The following CACNA1H variants were observed in gnomAD, a reference collection of about 807,000 sequenced individuals.
CACNA1H encodes the protein calcium voltage-gated channel subunit alpha1 H, also known as voltage-dependent T-type calcium channel subunit alpha-1H.
CACNA1H carries 149 observed loss-of-function variants against 192.5 expected under a neutral mutation model. The observed-to-expected ratio is 0.77, with a 90% CI of 0.68 to 0.89. The LOEUF (loss-of-function observed/expected upper bound fraction) is 0.89. Ranked by LOEUF, CACNA1H falls within the 40% of genes least tolerant of loss-of-function variation. The probability of loss-of-function intolerance (pLI) is 0.00; values close to 1 mark genes in which losing one functional copy is unlikely to be tolerated. For missense variants in CACNA1H, 4,257 were observed against 3,423.5 expected (o/e 1.24, Z -6.08); for synonymous variants, 2,202 against 1,475.2 (o/e 1.49, Z -11.29).
intron 2 of CACNA1H, among the ~76,000 whole-genome samples, chr16:1,175,567 G>A (rs539369430): frequency 9.9e-5 from 15 of 152,284 alleles, no homozygotes; most frequent in East Asian, 1.9e-4. Flanking sequence ...GCCGTGTCCC[G>A]AGCTTGTCCT....
chr16:1,187,590 C>T (rs532781793), intron 2 of CACNA1H, among the ~76,000 whole-genome samples: 1 of 152,360 alleles, frequency 6.6e-6, no homozygotes, highest in African/African-American at 2.4e-5. Flanking sequence ...ACGGCCCAGC[C>T]TCCCGATCCT....
intron 12 of CACNA1H, 180 bp from the exon 13 acceptor site, chr16:1,206,821 A>G: frequency 6.8e-6 from 4 of 591,204 alleles, no homozygotes; most frequent in Non-Finnish European, 6.1e-6. Flanking sequence ...GTTGTAGGGC[A>G]GGAAGTCCCT....
intron 11 of CACNA1H, among the ~76,000 whole-genome samples, chr16:1,205,886 C>G (rs1048914798): frequency 6.6e-6 from 1 of 152,218 alleles, no homozygotes; most frequent in East Asian, 1.9e-4. Flanking sequence ...CCAGGGGGCA[C>G]TGGGGGCCGG....
At chr16:1,206,334 G>T (rs753263348) in intron 12 of CACNA1H, 45 bp downstream of exon 12, 2 of 1,526,162 alleles carry the variant, frequency 1.3e-6, no homozygotes, top group African/African-American at 2.8e-5. Flanking sequence ...CTCACCCCAG[G>T]GCAGCTGGGA....
intron 2 of CACNA1H, among the ~76,000 whole-genome samples, chr16:1,189,422 T>C (rs1048204655): frequency 3.3e-5 from 4 of 120,060 alleles, no homozygotes; most frequent in African/African-American, 1.3e-4. Flanking sequence ...TTTTTTTTTT[T>C]TTTTTTTTTT....
At chr16:1,194,723 C>T (rs1413859202) in intron 2 of CACNA1H, among the ~76,000 whole-genome samples, 1 of 152,054 alleles carries the variant, frequency 6.6e-6, no homozygotes, top group Admixed American at 6.5e-5. Flanking sequence ...GATGAGCCAA[C>T]GCCGAGGGCC....
Position 1,218,652 on chromosome 16 carries a change from G to A in CACNA1H, c.5887+1G>A, listed in dbSNP as rs1198881040. On this transcript the variant is annotated splice_donor_variant, in intron 33 of 34. Coordinates refer to ENST00000348261, the MANE Select transcript of CACNA1H (RefSeq NM_021098.3). LOFTEE classifies it high-confidence loss of function. ...ACCTATGGGGCCGGCACCCCCTTGG[G>A]TATGGTAGCCAGCAGGAAGATATGG... The A allele has an allele frequency of 6.6e-7, 1 of 1,504,730 alleles. No homozygotes were observed. The highest frequency in any genetic ancestry group is 8.9e-7 in the Non-Finnish European group (1 of 1,120,942). The allele number at this position is 1,504,730 out of a possible 1,614,324, so 93.2% of individuals were successfully genotyped here. A position where few individuals can be genotyped will look rare whatever the true frequency, so the allele number is the denominator to read the frequency against.
chr16:1,165,674 G>T (rs914412709), intron 2 of CACNA1H, among the ~76,000 whole-genome samples: 4 of 152,198 alleles, frequency 2.6e-5, no homozygotes, highest in African/African-American at 4.8e-5. Context: ...GTGGCTGCAC[G>T]CTGGGGTCAC....
chr16:1,159,312 C>T (rs1258496445), intron 2 of CACNA1H, among the ~76,000 whole-genome samples: 2 of 151,656 alleles, frequency 1.3e-5, no homozygotes, highest in African/African-American at 2.4e-5. Flanking sequence ...GGCACAGGAG[C>T]CTGTGCGGGA....
At chr16:1,187,313 AG>A (rs907778525) in intron 2 of CACNA1H, among the ~76,000 whole-genome samples, 1 of 152,186 alleles carries the variant, frequency 6.6e-6, no homozygotes, top group African/African-American at 2.4e-5. Context: ...TTGCCCAGCC[AG>A]GGGTGGGTAC....
At position 1,215,385 on chromosome 16, in the gene CACNA1H, C is replaced by A. The variant is rs72554026; in HGVS notation, c.5173+10C>A. ...CTTCGCATTGCCCGTGGTAGGTGCC[C>A]GCGTGCCCGCCAGGTTCTCTCTGCG... On this transcript the variant is annotated intron_variant, in intron 29 of 34. Transcript: ENST00000348261. The A allele has an allele frequency of 6.5e-7, 1 of 1,531,352 alleles. No individual in the cohort carries two copies. 94.9% of individuals were successfully genotyped at this position (1,531,352 alleles called of 1,614,324 possible).
At chr16:1,153,624 C>A in intron 1 of CACNA1H, 96 bp from the exon 2 acceptor site, 1 of 741,854 alleles carries the variant, frequency 1.3e-6, no homozygotes, top group Non-Finnish European at 1.8e-6. Context: ...AAGACAAAGA[C>A]ATCCCGGCGG....
intron 2 of CACNA1H, among the ~76,000 whole-genome samples, chr16:1,165,618 C>T (rs1343100498): frequency 1.3e-5 from 2 of 152,154 alleles, no homozygotes. Context: ...GGCACCCTCC[C>T]TTTTCCCCGC....
At chr16:1,214,451 G>A (rs972324104) in intron 27 of CACNA1H, among the ~76,000 whole-genome samples, 43 of 152,224 alleles carry the variant, frequency 2.8e-4, no homozygotes, top group Non-Finnish European at 4.4e-5. Context: ...GCCTGGGCTG[G>A]GAGGGGCAGG....
chr16:1,193,369 C>A (rs998513993), intron 2 of CACNA1H, among the ~76,000 whole-genome samples: 1 of 152,256 alleles, frequency 6.6e-6, no homozygotes, highest in Non-Finnish European at 1.5e-5. Context: ...GCCAAGGGGC[C>A]TGGCACGGCT....
Position 1,210,620 on chromosome 16 carries a change from C to A in CACNA1H, c.4007C>A (p.Thr1336Lys), listed in dbSNP as rs370725735. 6.3e-5 allele frequency: 101 copies of A among 1,606,684 alleles called. No homozygotes were observed. The highest frequency in any genetic ancestry group is 8.4e-5 in the Non-Finnish European group (99 of 1,179,812). The change falls in exon 20 of 35, where the codon ACG becomes AAG. Residue 1336 changes from threonine to lysine, a missense_variant. By Grantham distance (78) the Thr-to-Lys change is moderately conservative (BLOSUM62 -1). Transcript: ENST00000348261. The stretch of plus-strand genomic sequence containing the variant: ...CTCAGCGTCTCCAATTACATCTTCA[C>A]GGCCATCTTCGTGGCGGAGATGATG... The part of the protein sequence containing the change: ...VFLSVSNYIF[T>K]AIFVAEMMVK...
At chr16:1,203,329 G>A (rs746266195) in intron 9 of CACNA1H, among the ~76,000 whole-genome samples, 2 of 152,146 alleles carry the variant, frequency 1.3e-5, no homozygotes, top group Non-Finnish European at 2.9e-5. Flanking sequence ...TGCTCGCATC[G>A]AGTCAAACAG....
intron 2 of CACNA1H, among the ~76,000 whole-genome samples, chr16:1,178,789 C>T (rs1267468449): frequency 6.6e-6 from 1 of 152,250 alleles, no homozygotes; most frequent in Non-Finnish European, 1.5e-5. Flanking sequence ...CTCCAAGCTC[C>T]AGAAGTCGGG....
rs748925694 is a variant in CACNA1H, at chr16:1,212,108, C to T, written c.4729C>T (p.Arg1577Trp). The T allele has an allele frequency of 2.2e-5, 36 of 1,609,642 alleles. No individual in the cohort carries two copies. Among genetic ancestry groups the T allele is most frequent in the Middle Eastern group, 1.8e-4 (1 of 5,550 alleles). Residue 1577 changes from arginine (R) to tryptophan (W), a missense_variant, in exon 25 of 35, where the codon CGG (arginine) becomes TGG (tryptophan). Arg to Trp is a moderately radical substitution (Grantham distance 101). Transcript: ENST00000348261. ...GGAGGCGCGGCGGCGAGAGGAGAAG[C>T]GGCTGCGGCGCCTAGAGAGGAGGCG... Reference protein sequence around the residue: ...AEEARRREEKRLRRLERRRRS... With the variant: ...AEEARRREEKWLRRLERRRRS...
Sources: allele counts gnomAD v4.1 joint callset (sites outside exome capture counted in the v4.1 genomes callset), GRCh38; gene constraint gnomAD v4.1.1; transcripts MANE v1.5; gene names NCBI Gene and HGNC (gene_info 2026-07-23, HGNC 2026-07-21).